Variants in CSMD1 observed in about 807,000 individuals in gnomAD.
The protein encoded by CSMD1 is CUB and sushi domain-containing protein 1.
CSMD1 carries 213 observed loss-of-function variants against 417.5 expected under a neutral mutation model. The observed-to-expected ratio is 0.51, with a 90% CI of 0.46 to 0.57. CSMD1 has a LOEUF of 0.57. CSMD1 is among the 20% of genes least tolerant of loss of function. The pLI is 0.00. For synonymous variants in CSMD1, 2,862 were observed against 1,736.8 expected, an observed-to-expected ratio of 1.65 and a Z score of -16.11; for missense variants, 6,923 against 4,529.7, an observed-to-expected ratio of 1.53 and a Z score of -15.17.
chr8:4,774,599 A>G (rs932478869), intron 1 of CSMD1, among the ~76,000 whole-genome samples: 1 of 152,188 alleles, frequency 6.6e-6, no homozygotes, highest in African/African-American at 2.4e-5. Flanking sequence ...TTGGGAGTTA[A>G]TCAACTGATG....
At chr8:4,985,749 T>C (rs967228674) in intron 1 of CSMD1, among the ~76,000 whole-genome samples, 2 of 152,182 alleles carry the variant, frequency 1.3e-5, no homozygotes, top group South Asian at 2.1e-4. Flanking sequence ...CCATGTAAAA[T>C]GGAGCATGGA....
intron 10 of CSMD1, among the ~76,000 whole-genome samples, chr8:3,500,944 G>C (rs1470311037): frequency 1.3e-5 from 2 of 152,098 alleles, no homozygotes; most frequent in Admixed American, 1.3e-4. Flanking sequence ...TATTGCAAGA[G>C]AATAAGAATG....
intron 9 of CSMD1, among the ~76,000 whole-genome samples, chr8:3,578,471 G>A (rs1800245136): frequency 6.6e-6 from 1 of 152,198 alleles, no homozygotes; most frequent in Admixed American, 6.5e-5. Flanking sequence ...CCCTTGCAAA[G>A]GAAGCGGATG....
intron 3 of CSMD1, among the ~76,000 whole-genome samples, chr8:4,214,133 T>C (rs922315150): frequency 4.6e-5 from 7 of 152,210 alleles, no homozygotes; most frequent in African/African-American, 1.7e-4. Flanking sequence ...TGTTTTGTTT[T>C]GGCTTAGTTC....
At chr8:4,667,781 A>C (rs1012426661) in intron 1 of CSMD1, among the ~76,000 whole-genome samples, 1 of 152,216 alleles carries the variant, frequency 6.6e-6, no homozygotes, top group Non-Finnish European at 1.5e-5. Context: ...ATTTTTCTAC[A>C]TAGACTACGT....
intron 10 of CSMD1, among the ~76,000 whole-genome samples, chr8:3,551,708 G>C (rs1184398718): frequency 2.7e-5 from 4 of 150,800 alleles, no homozygotes; most frequent in African/African-American, 7.3e-5. Context: ...CTGATGATGA[G>C]AAATAGTCAT....
At chr8:4,293,830 A>G (rs1354569038) in intron 3 of CSMD1, among the ~76,000 whole-genome samples, 2 of 152,212 alleles carry the variant, frequency 1.3e-5, no homozygotes. Context: ...CCATTTTAAC[A>G]TTCAGTGTCC....
At chr8:3,794,040 C>G (rs997241901) in intron 5 of CSMD1, among the ~76,000 whole-genome samples, 4 of 152,166 alleles carry the variant, frequency 2.6e-5, no homozygotes, top group African/African-American at 9.7e-5. Context: ...ACTTGCTACT[C>G]AAATGACGAA....
At chr8:4,647,060 G>A (rs946825708) in intron 1 of CSMD1, among the ~76,000 whole-genome samples, 6 of 152,138 alleles carry the variant, frequency 3.9e-5, no homozygotes, top group African/African-American at 9.7e-5. Flanking sequence ...CAAGATGGCA[G>A]CAAAGTCAGT....
chr8:4,564,703 C>A (rs1417830944), intron 2 of CSMD1, among the ~76,000 whole-genome samples: 2 of 152,160 alleles, frequency 1.3e-5, no homozygotes, highest in Non-Finnish European at 2.9e-5. Flanking sequence ...ACAATGAATG[C>A]ATACCCTGAT....
intron 6 of CSMD1, among the ~76,000 whole-genome samples, chr8:3,729,962 CAA>C (rs1212260502): frequency 1.1e-4 from 1 of 9,456 alleles, no homozygotes; most frequent in Non-Finnish European, 3.9e-4. Flanking sequence ...AAAAAAAAAA[CAA>C]AAACAGAAGA....
chr8:3,547,712 GA>G (rs2116754323), intron 10 of CSMD1, among the ~76,000 whole-genome samples: 1 of 152,164 alleles, frequency 6.6e-6, no homozygotes, highest in East Asian at 1.9e-4. Flanking sequence ...CTACCTATAT[GA>G]AAAACAATAG....
At chr8:4,247,091 G>A (rs1488809232) in intron 3 of CSMD1, among the ~76,000 whole-genome samples, 2 of 152,116 alleles carry the variant, frequency 1.3e-5, no homozygotes, top group East Asian at 1.9e-4. Context: ...TGGGTTGTAC[G>A]GTCTAGTGAA....
At chr8:3,307,608 G>GGATATTTGGT in intron 25 of CSMD1, 87 bp downstream of exon 25, 1 of 1,387,386 alleles carries the variant, frequency 7.2e-7, no homozygotes, top group South Asian at 1.4e-5. Context: ...CTTTAACCAT[G>GGATATTTGGT]GATATTTGGT....
chr8:3,623,059 T>C (rs1269741865), intron 7 of CSMD1, among the ~76,000 whole-genome samples: 4 of 152,306 alleles, frequency 2.6e-5, no homozygotes, highest in Admixed American at 2.0e-4. Flanking sequence ...ACTGAAAATA[T>C]CAATAGATTG....
chr8:3,592,240 T>C (rs1800883074), intron 8 of CSMD1, among the ~76,000 whole-genome samples: 1 of 152,004 alleles, frequency 6.6e-6, no homozygotes, highest in African/African-American at 2.4e-5. Flanking sequence ...CATAGATGGA[T>C]AGATAGCTAT....
chr8:4,979,967 G>A (rs1254661145), intron 1 of CSMD1, among the ~76,000 whole-genome samples: 1 of 152,170 alleles, frequency 6.6e-6, no homozygotes, highest in Admixed American at 6.5e-5. Context: ...GAACCTGGGA[G>A]GCGCAGCTTG....
chr8:4,749,597 G>A lies in CSMD1; in HGVS notation c.86-112039C>T, dbSNP rs551412409. Among the ~76,000 whole-genome samples the A allele has an allele frequency of 3.3e-5, 5 of 152,262 alleles. No homozygotes were observed. In the South Asian group the frequency reaches 1.0e-3, roughly 32 times the overall value. On this transcript the variant is annotated intron_variant, in intron 1 of 69. Transcript: ENST00000635120. ...AAAATGTCAATGATCTTGTACAGAG[G>A]ATAATTATCTGTTCTTGGAATGTAC...
intron 50 of CSMD1, among the ~76,000 whole-genome samples, chr8:3,032,479 C>T (rs1015823417): frequency 6.6e-6 from 1 of 151,954 alleles, no homozygotes; most frequent in East Asian, 1.9e-4. Context: ...TAAGGCTGTC[C>T]CAAAGAATGT....
Sources: gnomAD v4.1 joint callset for allele counts (sites outside exome capture counted in the v4.1 genomes callset) on GRCh38, gnomAD v4.1.1 for gene constraint, MANE v1.5 for transcripts, NCBI Gene and HGNC (gene_info 2026-07-23, HGNC 2026-07-21) for gene names.